LMO7: variants seen among roughly 807,000 people sequenced by gnomAD.
The protein encoded by LMO7 is LIM domain 7.
A neutral mutation model predicts 206.5 loss-of-function variants in LMO7; 120 were observed. That is an observed-to-expected ratio of 0.58 (90% CI 0.50 to 0.68). The LOEUF is 0.68. LMO7 is among the 30% of genes least tolerant of loss of function. LMO7 has a pLI of 0.00. For missense variants in LMO7, 1,959 were observed against 1,957.9 expected (o/e 1.00, Z -0.01); for synonymous variants, 706 against 681.5 (o/e 1.04, Z -0.56).
At chr13:75,829,751 G>T (rs926837166) in intron 15 of LMO7, among the ~76,000 whole-genome samples, 1 of 151,694 alleles carries the variant, frequency 6.6e-6, no homozygotes. Flanking sequence ...TAATTCAACA[G>T]ATTTAGCAGA....
At chr13:75,694,271 G>A (rs2041731600) in intron 1 of LMO7, among the ~76,000 whole-genome samples, 1 of 152,154 alleles carries the variant, frequency 6.6e-6, no homozygotes, top group Non-Finnish European at 1.5e-5. Context: ...GGGCTGACAG[G>A]GGAAAGACGT....
chr13:75,741,017 A>G (rs2046365971), intron 3 of LMO7, among the ~76,000 whole-genome samples: 1 of 152,234 alleles, frequency 6.6e-6, no homozygotes, highest in Non-Finnish European at 1.5e-5. Flanking sequence ...TGTTTCGTTG[A>G]GTTAAAAGAT....
rs2057814055 is a variant in LMO7 at position 75,823,562 on chromosome 13, T to G, written c.2641-3T>G. 6.3e-7 allele frequency: 1 copy of G among 1,589,000 alleles called. No homozygotes were observed. Among genetic ancestry groups the G allele is most frequent in the African/African-American group, 1.3e-5 (1 of 74,224 alleles). ...AAGTTTAAAATGATGTTTTCTTATT[T>G]AGATGGATGATGCTTGGAAGTATAA... is the stretch of plus-strand genomic sequence containing the variant. On this transcript the variant is annotated splice_polypyrimidine_tract_variant and splice_region_variant and intron_variant, in intron 14 of 30. Coordinates refer to ENST00000377534, the MANE Select transcript of LMO7 (RefSeq NM_001306080.2).
intron 1 of LMO7, among the ~76,000 whole-genome samples, chr13:75,700,054 C>G (rs891601318): frequency 5.9e-5 from 9 of 152,198 alleles, no homozygotes; most frequent in Non-Finnish European, 1.3e-4. Context: ...AGAAATATGA[C>G]TCTGTTCTGC....
chr13:75,847,115 T>C (rs779731984), intron 26 of LMO7, among the ~76,000 whole-genome samples: 1 of 151,888 alleles, frequency 6.6e-6, no homozygotes, highest in Non-Finnish European at 1.5e-5. Flanking sequence ...AGTATAGTTG[T>C]ATAAGAAACC....
Position 75,682,346 on chromosome 13 carries a change from AT to A in LMO7, c.70-30835del, listed in dbSNP as rs144868372. 2.5e-3 allele frequency among the ~76,000 whole-genome samples: 383 copies of A among 152,320 alleles called. 1 individual carries two copies. The highest frequency in any genetic ancestry group is 8.7e-3 in the African/African-American group (362 of 41,572). ...TCAGGACAAATGGCACACAAAGTAA[AT>A]AGCCAAAGATTCCCAGGAGAAGGGC... On this transcript the variant is annotated intron_variant, in intron 1 of 30. Transcript: ENST00000377534.
At chr13:75,622,075 A>C (rs1319206996) in intron 1 of LMO7, among the ~76,000 whole-genome samples, 1 of 152,102 alleles carries the variant, frequency 6.6e-6, no homozygotes, top group Non-Finnish European at 1.5e-5. Flanking sequence ...TTTTTCTTTT[A>C]AAATTTTTGT....
At position 75,823,831 on chromosome 13, in the gene LMO7, A is replaced by G; in HGVS notation, c.2907A>G (p.Gly969=). 6.2e-7 allele frequency: 1 copy of G among 1,614,140 alleles called. No individual in the cohort carries two copies. The highest frequency in any genetic ancestry group is 1.1e-5 in the South Asian group (1 of 91,080). The part of the protein sequence containing the change: ...TSGLDLMSES[G]EGEISPQREV... ...GTCTTGATTTAATGTCTGAATCTGG[A>G]GAAGGGGAAATCTCCCCACAAAGAG... is the stretch of plus-strand genomic sequence containing the variant. The change falls in exon 15 of 31, where the codon GGA becomes GGG. Residue 969 remains glycine, a synonymous_variant. Coordinates refer to ENST00000377534, the MANE Select transcript of LMO7 (RefSeq NM_001306080.2).
At chr13:75,624,449 A>G (rs1429602022) in intron 2 of LMO7, among the ~76,000 whole-genome samples, 2 of 152,218 alleles carry the variant, frequency 1.3e-5, no homozygotes, top group Non-Finnish European at 2.9e-5. Flanking sequence ...CCCTTACTTT[A>G]AGAATATTTT....
intron 4 of LMO7, 21 bp from the exon 5 acceptor site, chr13:75,795,380 A>C (rs770895140): frequency 1.3e-6 from 2 of 1,528,106 alleles, no homozygotes; most frequent in Admixed American, 3.6e-5. Flanking sequence ...ATTACCTAAT[A>C]GATATTTTCT....
chr13:75,717,160 G>A (rs980623806), intron 2 of LMO7, among the ~76,000 whole-genome samples: 4 of 151,876 alleles, frequency 2.6e-5, no homozygotes, highest in Non-Finnish European at 5.9e-5. Flanking sequence ...TCAGGAGATC[G>A]AGACCATCCT....
chr13:75,733,176 A>AGTTTGCAGAGGTTACTGCT (rs1447883535), intron 3 of LMO7, among the ~76,000 whole-genome samples: 4 of 152,238 alleles, frequency 2.6e-5, no homozygotes. Context: ...GGGACATTTA[A>AGTTTGCAGAGGTTACTGCT]GTTTGCAGAG....
At chr13:75,751,576 G>A (rs1210901208) in intron 3 of LMO7, among the ~76,000 whole-genome samples, 1 of 152,140 alleles carries the variant, frequency 6.6e-6, no homozygotes, top group Non-Finnish European at 1.5e-5. Flanking sequence ...ACTTCCAGGT[G>A]GTGTCGTTCT....
intron 30 of LMO7, chr13:75,857,549 A>C (rs1042890522): frequency 6.3e-6 from 1 of 158,104 alleles, no homozygotes; most frequent in African/African-American, 2.4e-5. Context: ...CTGGGCATGT[A>C]CTGGTGGGGG....
At chr13:75,810,690 G>A (rs1445513452) in intron 11 of LMO7, among the ~76,000 whole-genome samples, 3 of 152,236 alleles carry the variant, frequency 2.0e-5, no homozygotes, top group Admixed American at 6.5e-5. Context: ...ACTTTATAAT[G>A]TAAGCAGCTC....
At chr13:75,849,056 C>G in intron 26 of LMO7, 23 bp from the exon 27 acceptor site, 2 of 1,433,526 alleles carry the variant, frequency 1.4e-6, no homozygotes, top group Non-Finnish European at 2.0e-6. Flanking sequence ...AATCCCAAAG[C>G]TTTTGATTTG....
chr13:75,709,661 G>A (rs2042930583), intron 1 of LMO7, among the ~76,000 whole-genome samples: 1 of 151,950 alleles, frequency 6.6e-6, no homozygotes, highest in Non-Finnish European at 1.5e-5. Context: ...TTTTTTTCTT[G>A]TAGATTTGTT....
chr13:75,623,968 C>A (rs547255828), intron 2 of LMO7, among the ~76,000 whole-genome samples: 1 of 152,218 alleles, frequency 6.6e-6, no homozygotes, highest in South Asian at 2.1e-4. Context: ...TGGAGTTACA[C>A]CTCCTATAAT....
intron 1 of LMO7, among the ~76,000 whole-genome samples, chr13:75,670,752 A>G (rs1271771113): frequency 3.3e-5 from 5 of 152,192 alleles, no homozygotes; most frequent in Non-Finnish European, 5.9e-5. Flanking sequence ...TGCAGAGTTT[A>G]TAAACACTGT....
Sources: gnomAD v4.1 joint callset for allele counts (sites outside exome capture counted in the v4.1 genomes callset) on GRCh38, gnomAD v4.1.1 for gene constraint, MANE v1.5 for transcripts, NCBI Gene and HGNC (gene_info 2026-07-23, HGNC 2026-07-21) for gene names.